The following HMGN3 variants were observed in gnomAD, a reference collection of about 807,000 sequenced individuals.
HMGN3 encodes the protein high mobility group nucleosomal binding domain 3, also known as high mobility group nucleosome-binding domain-containing protein 3.
In HMGN3, 6 loss-of-function variants were observed where a neutral mutation model predicts 18.8. The observed-to-expected ratio is 0.32, with a 90% CI of 0.18 to 0.63. The LOEUF is 0.63. Among genes scored for constraint, HMGN3 ranks in the 30% least tolerant of loss-of-function variants. The pLI is 0.79. For missense variants in HMGN3, 107 were observed against 114.2 expected (o/e 0.94, Z 0.29); for synonymous variants, 40 against 36.5 (o/e 1.10, Z -0.35).
chr6:79,231,893 A>G (rs1777855248), intron 1 of HMGN3, among the ~76,000 whole-genome samples: 1 of 152,186 alleles, frequency 6.6e-6, no homozygotes, highest in Non-Finnish European at 1.5e-5. Flanking sequence ...ATTGAATTAA[A>G]CACAAGTTCC....
At chr6:79,228,412 A>G (rs977649418) in intron 1 of HMGN3, among the ~76,000 whole-genome samples, 1 of 152,202 alleles carries the variant, frequency 6.6e-6, no homozygotes, top group Non-Finnish European at 1.5e-5. Flanking sequence ...CATAGATTCC[A>G]TATCAATATT....
intron 1 of HMGN3, among the ~76,000 whole-genome samples, chr6:79,220,102 TAAG>T (rs1777198005): frequency 6.6e-6 from 1 of 152,184 alleles, no homozygotes; most frequent in African/African-American, 2.4e-5. Context: ...GGTCGGTAGA[TAAG>T]AAGTTAAAGG....
At chr6:79,208,332 G>A (rs988940913) in intron 3 of HMGN3, among the ~76,000 whole-genome samples, 71 of 152,216 alleles carry the variant, frequency 4.7e-4, no homozygotes, top group African/African-American at 1.4e-3. Flanking sequence ...TATATTCTTC[G>A]TTATGGGGCT....
intron 1 of HMGN3, 37 bp from the exon 2 acceptor site, chr6:79,215,059 T>C: frequency 1.7e-6 from 2 of 1,155,674 alleles, no homozygotes; most frequent in Non-Finnish European, 2.5e-6. Flanking sequence ...GTATTTAAAT[T>C]GGAAAACACA....
At chr6:79,203,930 T>C (rs193234633) in intron 3 of HMGN3, among the ~76,000 whole-genome samples, 3 of 152,346 alleles carry the variant, frequency 2.0e-5, no homozygotes, top group Admixed American at 1.3e-4. Flanking sequence ...ATGTGTCTGC[T>C]CTTCCTTTTA....
chr6:79,226,117 G>A (rs1777554830), intron 1 of HMGN3, among the ~76,000 whole-genome samples: 1 of 152,216 alleles, frequency 6.6e-6, no homozygotes, highest in Non-Finnish European at 1.5e-5. Flanking sequence ...CTGAGTAAAA[G>A]AGGGCTTGGT....
intron 1 of HMGN3, among the ~76,000 whole-genome samples, chr6:79,226,071 G>A (rs1460986436): frequency 6.6e-6 from 1 of 152,206 alleles, no homozygotes; most frequent in Non-Finnish European, 1.5e-5. Context: ...AACATATACA[G>A]AAAGTATTAT....
At chr6:79,213,837 C>A (rs375784831) in intron 2 of HMGN3, among the ~76,000 whole-genome samples, 2 of 152,296 alleles carry the variant, frequency 1.3e-5, no homozygotes, top group East Asian at 3.9e-4. Flanking sequence ...ATCACCCAAT[C>A]AAAGAACCTG....
At chr6:79,204,266 A>C (rs1477981351) in intron 3 of HMGN3, among the ~76,000 whole-genome samples, 1 of 152,260 alleles carries the variant, frequency 6.6e-6, no homozygotes, top group Non-Finnish European at 1.5e-5. Context: ...TTATAATGAT[A>C]AAATGTCTAC....
At chr6:79,207,314 G>A (rs1385592002) in intron 3 of HMGN3, among the ~76,000 whole-genome samples, 1 of 152,192 alleles carries the variant, frequency 6.6e-6, no homozygotes, top group Non-Finnish European at 1.5e-5. Context: ...TGTCATGGGA[G>A]GAACCTGGTG....
intron 3 of HMGN3, among the ~76,000 whole-genome samples, chr6:79,206,419 A>G (rs1582402401): frequency 6.6e-6 from 1 of 152,246 alleles, no homozygotes; most frequent in Middle Eastern, 3.4e-3. Flanking sequence ...GCTGTGACTA[A>G]AAGGGGCTAA....
intron 1 of HMGN3, among the ~76,000 whole-genome samples, chr6:79,218,194 G>A (rs1044938699): frequency 6.6e-6 from 1 of 152,070 alleles, no homozygotes; most frequent in African/African-American, 2.4e-5. Flanking sequence ...TATCCCTTCT[G>A]GCACACCCCA....
At chr6:79,217,037 T>C (rs780957086) in intron 1 of HMGN3, among the ~76,000 whole-genome samples, 1 of 152,204 alleles carries the variant, frequency 6.6e-6, no homozygotes, top group Admixed American at 6.5e-5. Flanking sequence ...TGGAGTTCAA[T>C]CTCTAAACAC....
intron 1 of HMGN3, 88 bp downstream of exon 1, chr6:79,234,458 C>G: frequency 7.6e-7 from 1 of 1,312,892 alleles, no homozygotes; most frequent in Non-Finnish European, 1.1e-6. Flanking sequence ...GTTACTACCG[C>G]GCGCGTTCTG....
chr6:79,211,956 G>C (rs1048109092), intron 2 of HMGN3, among the ~76,000 whole-genome samples: 1 of 150,710 alleles, frequency 6.6e-6, no homozygotes, highest in Non-Finnish European at 1.5e-5. Flanking sequence ...GAATGTGGGA[G>C]TATTTTTATT....
chr6:79,231,355 G>A (rs530318783), intron 1 of HMGN3, among the ~76,000 whole-genome samples: 3 of 152,202 alleles, frequency 2.0e-5, no homozygotes, highest in East Asian at 3.9e-4. Flanking sequence ...TCTCACCACT[G>A]AGTCCATGAA....
At chr6:79,210,811 T>G (rs915910407) in intron 2 of HMGN3, among the ~76,000 whole-genome samples, 1 of 152,034 alleles carries the variant, frequency 6.6e-6, no homozygotes. Flanking sequence ...TGCGACAATG[T>G]TGTTCCTCTC....
exon 6 of HMGN3, chr6:79,201,488 C>T: frequency 1.8e-6 from 1 of 544,046 alleles, no homozygotes; most frequent in Non-Finnish European, 3.3e-6. Context: ...CAATATTTAA[C>T]TGATATTTAT....
Position 79,224,366 on chromosome 6 carries a change from C to T in HMGN3, c.16-9344G>A, listed in dbSNP as rs554605280. Among the ~76,000 whole-genome samples the T allele has an allele frequency of 2.6e-5, 4 of 152,284 alleles. No individual in the cohort carries two copies. In the South Asian group the frequency reaches 8.3e-4, roughly 32 times the overall value. On this transcript the variant is annotated intron_variant, in intron 1 of 5. Transcript: ENST00000344726. ...CCTTCCAGCTTGGGAAATGCTTTAA[C>T]CTGTAGCCCTAGCCAAAGAACAAAT...
Sources: allele counts gnomAD v4.1 joint callset (sites outside exome capture counted in the v4.1 genomes callset), GRCh38; gene constraint gnomAD v4.1.1; transcripts MANE v1.5; gene names NCBI Gene and HGNC (gene_info 2026-07-23, HGNC 2026-07-21).